Variants in WNK3 observed in about 807,000 individuals in gnomAD.
WNK3 encodes serine/threonine-protein kinase WNK3.
WNK3 carries 18 observed loss-of-function variants against 116.7 expected under a neutral mutation model. The observed-to-expected ratio is 0.15, with a 90% CI of 0.11 to 0.23. The LOEUF (loss-of-function observed/expected upper bound fraction) is 0.23, where lower values mean the gene tolerates loss of function less well. Ranked by LOEUF, WNK3 falls within the 10% of genes least tolerant of loss-of-function variation. The pLI is 1.00. For missense variants in WNK3, 993 were observed against 1,323.8 expected, an observed-to-expected ratio of 0.75 and a Z score of 3.88; for synonymous variants, 404 against 469.4, an observed-to-expected ratio of 0.86 and a Z score of 1.80.
At position 54,271,456 on chromosome X, in the gene WNK3, C is replaced by G. The variant is rs781854993; in HGVS notation, c.2038-12118G>C. ...ACCCAAGTAACTTTGAAAAATTACA[C>G]AAAGCCATTCTTCAAACTACACAGG... is the stretch of plus-strand genomic sequence containing the variant. On this transcript the variant is annotated intron_variant, in intron 10 of 23. Transcript: ENST00000354646. Among the ~76,000 whole-genome samples the G allele has an allele frequency of 5.2e-3, 580 of 111,277 alleles. 4 individuals carry two copies. Among genetic ancestry groups the G allele is most frequent in the Non-Finnish European group, 8.3e-3 (441 of 52,966 alleles).
chrX:54,233,567 G>A (rs1002361753), intron 20 of WNK3, among the ~76,000 whole-genome samples: 4 of 110,411 alleles, frequency 3.6e-5, no homozygotes, highest in African/African-American at 1.3e-4. Context: ...GCCTTCCTAA[G>A]CATAACATTT....
chrX:54,332,606 G>C (rs988869792), intron 2 of WNK3, among the ~76,000 whole-genome samples: 1 of 111,222 alleles, frequency 9.0e-6, no homozygotes, highest in Non-Finnish European at 1.9e-5. Flanking sequence ...GTCATGATAG[G>C]CCAGGAGCCA....
At chrX:54,251,570 C>T (rs1557154235) in exon 14 of WNK3, 1 of 1,211,020 alleles carries the variant, frequency 8.3e-7, no homozygotes, top group Admixed American at 2.2e-5. Flanking sequence ...GAATCAACTC[C>T]AGTGGCTCTT....
At chrX:54,221,880 G>A (rs2146795056) in intron 22 of WNK3, among the ~76,000 whole-genome samples, 1 of 108,808 alleles carries the variant, frequency 9.2e-6, no homozygotes, top group Non-Finnish European at 1.9e-5. Context: ...AACATGACTG[G>A]GTGTGGTGGC....
intron 22 of WNK3, among the ~76,000 whole-genome samples, chrX:54,226,094 CCAAAAAAAAAAAAAAA>C (rs1157044506): frequency 1.7e-4 from 2 of 11,999 alleles, no homozygotes; most frequent in African/African-American, 2.1e-4. Flanking sequence ...ATCCACATAC[CCAAAAAAAAAAAAAAA>C]AAAAAAAAAA....
chrX:54,324,911 T>G (rs1007614933), intron 2 of WNK3, among the ~76,000 whole-genome samples: 1 of 112,543 alleles, frequency 8.9e-6, no homozygotes, highest in African/African-American at 3.2e-5. Context: ...TATCTAATTC[T>G]AATTTCACAA....
intron 8 of WNK3, among the ~76,000 whole-genome samples, chrX:54,293,657 A>G (rs1557165648): frequency 8.9e-6 from 1 of 112,017 alleles, no homozygotes. Flanking sequence ...TCAGTAAAAT[A>G]TATCATATTC....
intron 20 of WNK3, among the ~76,000 whole-genome samples, chrX:54,236,168 C>T (rs2067959002): frequency 9.0e-6 from 1 of 110,919 alleles, no homozygotes; most frequent in Non-Finnish European, 1.9e-5. Context: ...AGTGCAGTGG[C>T]GCACGATCTG....
intron 10 of WNK3, among the ~76,000 whole-genome samples, chrX:54,285,108 T>C (rs1197681000): frequency 9.0e-6 from 1 of 111,488 alleles, no homozygotes; most frequent in Admixed American, 9.6e-5. Flanking sequence ...GCTAAGCTAA[T>C]CTATGGTGAA....
chrX:54,294,673 T>G lies in WNK3; in HGVS notation c.1573A>C (p.Thr525Pro), dbSNP rs781863997. The G allele has an allele frequency of 2.5e-6, 3 of 1,208,533 alleles. No individual in the cohort carries two copies. In the African/African-American group the frequency reaches 5.3e-5, roughly 21 times the overall value. Residue 525 changes from threonine to proline, a missense_variant, in exon 8 of 24, where the codon ACT becomes CCT. Transcript: ENST00000354646. ...TGCTGAGCGGGAGCAAGGGGTAAAG[T>G]TGTATTCTGGGGCTGAGGGAATACA...
At chrX:54,277,296 G>C (rs782799317) in intron 10 of WNK3, among the ~76,000 whole-genome samples, 22 of 110,771 alleles carry the variant, frequency 2.0e-4, no homozygotes, top group Non-Finnish European at 3.2e-4. Flanking sequence ...TAGAAAGGGA[G>C]AGATCACACT....
exon 20 of WNK3, chrX:54,237,265 G>T (rs782496409): frequency 8.3e-7 from 1 of 1,211,923 alleles, no homozygotes; most frequent in Non-Finnish European, 1.1e-6. Flanking sequence ...CTTTTCTGGG[G>T]TCACTGAAGA....
In WNK3 at chrX:54,249,977, A is replaced by G. The variant is rs782411168; in HGVS notation, c.2713+17T>C. ...TCCTTTGAGTCTGGACAAAGCTGGC[A>G]GAGAAGAAAAGCTTACTAGGAAGTG... On this transcript the variant is annotated intron_variant, in intron 16 of 23. Transcript: ENST00000354646. The G allele has an allele frequency of 1.7e-6, 2 of 1,193,862 alleles. No homozygotes were observed. Among genetic ancestry groups the G allele is most frequent in the South Asian group, 3.8e-5 (2 of 52,672 alleles).
chrX:54,347,018 A>C (rs1292642181), intron 1 of WNK3, among the ~76,000 whole-genome samples: 3 of 112,129 alleles, frequency 2.7e-5, no homozygotes, highest in Non-Finnish European at 5.6e-5. Flanking sequence ...CCAGGATAAT[A>C]TCTCTTCTAC....
At chrX:54,198,789 T>C in intron 23 of WNK3, 136 bp from the exon 24 acceptor site, 2 of 506,672 alleles carry the variant, frequency 3.9e-6, no homozygotes, top group Non-Finnish European at 6.0e-6. Context: ...TTTGGCATAC[T>C]ATTCCTATTG....
intron 11 of WNK3, among the ~76,000 whole-genome samples, chrX:54,258,899 A>G (rs1488642869): frequency 9.1e-6 from 1 of 110,376 alleles, no homozygotes; most frequent in African/African-American, 3.3e-5. Flanking sequence ...ATATTTTTAT[A>G]CAGAAAAATA....
intron 22 of WNK3, among the ~76,000 whole-genome samples, chrX:54,214,844 TCTA>T (rs1238193556): frequency 9.0e-6 from 1 of 110,846 alleles, no homozygotes; most frequent in Admixed American, 9.6e-5. Flanking sequence ...GACCCCTGTC[TCTA>T]CTAAAAATAC....
In WNK3 at chrX:54,275,413, ATATG is replaced by A. The variant is rs1385368058; in HGVS notation, c.2038-16079_2038-16076del. ...GTCGGTATCTGTAGGGTATAAGTTCATATGTGTGTGTGTGTGTGTGTGTGTGTGT... is the reference window on the plus strand; with the variant it reads ...GTCGGTATCTGTAGGGTATAAGTTCATGTGTGTGTGTGTGTGTGTGTGTGT... On this transcript the variant is annotated intron_variant, in intron 10 of 23. Transcript: ENST00000354646. Among the ~76,000 whole-genome samples, 90 of 58,349 alleles carry A rather than the reference ATATG, an allele frequency of 1.5e-3. 1 individual carries two copies. Among genetic ancestry groups the A allele is most frequent in the African/African-American group, 4.6e-3 (75 of 16,205 alleles). The allele number at this position is 58,349 out of a possible 115,157, so 50.7% of individuals were successfully genotyped here. A position where few individuals can be genotyped will look rare whatever the true frequency, so the allele number is the denominator to read the frequency against.
chrX:54,225,696 T>C (rs2067828004), intron 22 of WNK3, among the ~76,000 whole-genome samples: 2 of 109,053 alleles, frequency 1.8e-5, no homozygotes, highest in African/African-American at 6.7e-5. Flanking sequence ...TGTTCACAGA[T>C]TGGAAGACAA....
Sources: allele counts gnomAD v4.1 joint callset (sites outside exome capture counted in the v4.1 genomes callset), GRCh38; gene constraint gnomAD v4.1.1; transcripts MANE v1.5; gene names NCBI Gene and HGNC (gene_info 2026-07-23, HGNC 2026-07-21).